The following GALNT13 variants were observed in gnomAD, a reference collection of about 807,000 sequenced individuals.
GALNT13 encodes polypeptide N-acetylgalactosaminyltransferase 13, also known as UDP-GalNAc:polypeptide N-acetylgalactosaminyltransferase 13.
A neutral mutation model predicts 64.2 loss-of-function variants in GALNT13; 28 were observed. That is an observed-to-expected ratio of 0.44 (90% confidence interval 0.32 to 0.60). The LOEUF is 0.60. GALNT13 is among the 20% of genes least tolerant of loss of function. GALNT13 has a pLI of 0.05. For missense variants in GALNT13, 577 were observed against 669.8 expected (o/e 0.86, Z 1.53); for synonymous variants, 214 against 224.6 (o/e 0.95, Z 0.42).
intron 3 of GALNT13, among the ~76,000 whole-genome samples, chr2:153,977,331 A>C (rs1694144121): frequency 6.6e-6 from 1 of 152,204 alleles, no homozygotes; most frequent in Admixed American, 6.6e-5. Context: ...GACAATTTAT[A>C]AAGGAAAGAG....
intron 9 of GALNT13, among the ~76,000 whole-genome samples, chr2:154,374,425 T>A (rs1697864010): frequency 1.3e-5 from 2 of 152,128 alleles, no homozygotes; most frequent in South Asian, 4.1e-4. Flanking sequence ...TCTTGTTTAG[T>A]ACAAGGAAAA....
the GALNT13 span, among the ~76,000 whole-genome samples, chr2:153,820,179 A>G: frequency 6.6e-6 from 1 of 152,210 alleles, no homozygotes; most frequent in East Asian, 1.9e-4. Flanking sequence ...TTAAAAACAA[A>G]CATTCAAGAA....
At chr2:153,685,087 T>G in the GALNT13 span, among the ~76,000 whole-genome samples, 114 of 152,096 alleles carry the variant, frequency 7.5e-4, 1 homozygote, top group African/African-American at 2.6e-3. Context: ...TTCCATGTCT[T>G]CGCTATTGTG....
chr2:153,211,237 G>C, the GALNT13 span, among the ~76,000 whole-genome samples: 2 of 151,774 alleles, frequency 1.3e-5, no homozygotes, highest in Non-Finnish European at 2.9e-5. Flanking sequence ...CAGCCTCCCG[G>C]GTTCAAGCAA....
chr2:153,979,444 A>G (rs1224555433), intron 3 of GALNT13, among the ~76,000 whole-genome samples: 2 of 152,172 alleles, frequency 1.3e-5, no homozygotes, highest in Non-Finnish European at 2.9e-5. Context: ...AGATTCTCTG[A>G]TGCTTGATGG....
chr2:153,984,266 T>C (rs1162183065), intron 3 of GALNT13, among the ~76,000 whole-genome samples: 4 of 151,746 alleles, frequency 2.6e-5, no homozygotes, highest in Non-Finnish European at 5.9e-5. Context: ...ATTTTTATAA[T>C]TGACTAGATT....
At chr2:154,167,795 T>TG (rs139715935) in intron 4 of GALNT13, among the ~76,000 whole-genome samples, 1,589 of 152,066 alleles carry the variant, frequency 0.01, 33 homozygotes, top group African/African-American at 0.036. Context: ...CAGCCTTGCT[T>TG]GGGGGGCGAG....
At chr2:153,549,163 A>G in the GALNT13 span, among the ~76,000 whole-genome samples, 1 of 152,154 alleles carries the variant, frequency 6.6e-6, no homozygotes, top group Non-Finnish European at 1.5e-5. Flanking sequence ...TGGGGTGATA[A>G]TGTTCTAAAA....
chr2:154,142,472 C>T (rs1235902713), intron 4 of GALNT13, among the ~76,000 whole-genome samples: 1 of 144,740 alleles, frequency 6.9e-6, no homozygotes, highest in Non-Finnish European at 1.5e-5. Context: ...TTGCTTGAAC[C>T]TGAGAGGCAG....
intron 9 of GALNT13, among the ~76,000 whole-genome samples, chr2:154,353,309 T>C (rs1196172294): frequency 1.3e-5 from 2 of 152,104 alleles, no homozygotes; most frequent in Non-Finnish European, 2.9e-5. Flanking sequence ...CTTAAAAAAA[T>C]GGGGTATAAC....
intron 4 of GALNT13, among the ~76,000 whole-genome samples, chr2:154,209,790 A>G (rs1369213470): frequency 6.6e-6 from 1 of 152,198 alleles, no homozygotes; most frequent in Non-Finnish European, 1.5e-5. Flanking sequence ...TGATATATGT[A>G]CATATGTGGA....
At chr2:153,837,392 T>C in the GALNT13 span, among the ~76,000 whole-genome samples, 31 of 152,282 alleles carry the variant, frequency 2.0e-4, 1 homozygote, top group East Asian at 5.6e-3. Flanking sequence ...GAGTTCATTG[T>C]AGATTCTGGA....
chr2:154,226,009 G>C (rs1431164230), intron 4 of GALNT13, among the ~76,000 whole-genome samples: 2 of 152,062 alleles, frequency 1.3e-5, no homozygotes, highest in African/African-American at 4.8e-5. Context: ...AAAGTTAAAG[G>C]GTGGGGAGTT....
rs571506648 is a variant in GALNT13 at position 154,258,317 on chromosome 2, C to A, written c.858-704C>A. Reference sequence around the variant, plus strand: ...GAATTTTGAACGTGAAACCAAAAGGCATTTATTCCTAGAAAAAAGTTTTAG... The same window carrying A: ...GAATTTTGAACGTGAAACCAAAAGGAATTTATTCCTAGAAAAAAGTTTTAG... On this transcript the variant is annotated intron_variant, in intron 7 of 12. Transcript: ENST00000392825. Among the ~76,000 whole-genome samples the A allele has an allele frequency of 3.3e-5, 5 of 152,166 alleles. No individual in the cohort carries two copies. In the East Asian group the frequency reaches 7.7e-4, roughly 24 times the overall value.
At chr2:154,360,805 A>T (rs1191954258) in intron 9 of GALNT13, among the ~76,000 whole-genome samples, 1 of 152,096 alleles carries the variant, frequency 6.6e-6, no homozygotes, top group Non-Finnish European at 1.5e-5. Flanking sequence ...TGGCACCATG[A>T]TAGCTCTCAG....
chr2:154,047,274 G>T (rs889570881), intron 3 of GALNT13, among the ~76,000 whole-genome samples: 1 of 152,132 alleles, frequency 6.6e-6, no homozygotes, highest in Non-Finnish European at 1.5e-5. Context: ...GACATCTGCC[G>T]TGTGCTTGTT....
chr2:154,268,495 T>A (rs1691144163), intron 8 of GALNT13, among the ~76,000 whole-genome samples: 1 of 152,154 alleles, frequency 6.6e-6, no homozygotes, highest in Admixed American at 6.5e-5. Flanking sequence ...TTATCTTGAT[T>A]GTGGTGACAG....
chr2:153,918,129 A>G (rs1689517633), intron 2 of GALNT13, among the ~76,000 whole-genome samples: 1 of 152,174 alleles, frequency 6.6e-6, no homozygotes, highest in Admixed American at 6.6e-5. Context: ...GATTTTATTA[A>G]TTCAGGATTA....
intron 1 of GALNT13, among the ~76,000 whole-genome samples, chr2:153,872,825 C>G (rs1265482105): frequency 6.6e-6 from 1 of 152,122 alleles, no homozygotes; most frequent in Non-Finnish European, 1.5e-5. Flanking sequence ...GTATAGTGCC[C>G]CCTTTGCCTC....
Sources: gnomAD v4.1 joint callset for allele counts (sites outside exome capture counted in the v4.1 genomes callset) on GRCh38, gnomAD v4.1.1 for gene constraint, MANE v1.5 for transcripts, NCBI Gene and HGNC (gene_info 2026-07-23, HGNC 2026-07-21) for gene names.